The following PSMB7 variants were observed in gnomAD, a reference collection of about 807,000 sequenced individuals.
PSMB7 encodes the protein proteasome subunit beta type-7.
PSMB7 carries 5 observed loss-of-function variants against 28.1 expected under a neutral mutation model. That is an observed-to-expected ratio of 0.18 (90% CI 0.09 to 0.37). The LOEUF (loss-of-function observed/expected upper bound fraction) is 0.37, where lower values mean the gene tolerates loss of function less well. PSMB7 is among the 10% of genes least tolerant of loss of function. The probability of loss-of-function intolerance (pLI) is 1.00; values close to 1 mark genes in which losing one functional copy is unlikely to be tolerated. For missense variants in PSMB7, 275 were observed against 346.2 expected, an observed-to-expected ratio of 0.79 and a Z score of 1.63; for synonymous variants, 122 against 123.7, an observed-to-expected ratio of 0.99 and a Z score of 0.09.
At chr9:124,367,599 C>T (rs925554319) in intron 6 of PSMB7, among the ~76,000 whole-genome samples, 16 of 152,238 alleles carry the variant, frequency 1.1e-4, no homozygotes, top group African/African-American at 3.6e-4. Flanking sequence ...CAATGCTTGA[C>T]AGAGGCAAAG....
rs774764326 is a variant in PSMB7 at position 124,414,022 on chromosome 9, T to C, written c.157-17A>G. Reference sequence around the variant, plus strand: ...TATGCCATCCTATTAAAAAAAAAAGTTTTTAAACAATTTTACAAATATAAG... The same window carrying C: ...TATGCCATCCTATTAAAAAAAAAAGCTTTTAAACAATTTTACAAATATAAG... On this transcript the variant is annotated splice_polypyrimidine_tract_variant and intron_variant, in intron 2 of 7. Coordinates refer to ENST00000259457, the MANE Select transcript of PSMB7 (RefSeq NM_002799.4). 1 of 1,550,606 alleles carries C rather than the reference T, an allele frequency of 6.4e-7. No homozygotes were observed. The highest frequency in any genetic ancestry group is 1.1e-5 in the South Asian group (1 of 88,018).
chr9:124,387,192 G>A (rs894497919), intron 5 of PSMB7, among the ~76,000 whole-genome samples: 1 of 152,128 alleles, frequency 6.6e-6, no homozygotes, highest in South Asian at 2.1e-4. Context: ...TTTGCAGTGA[G>A]CCCAGATCGC....
At chr9:124,368,695 A>G (rs1051611042) in intron 6 of PSMB7, among the ~76,000 whole-genome samples, 18 of 152,234 alleles carry the variant, frequency 1.2e-4, no homozygotes, top group Non-Finnish European at 2.5e-4. Flanking sequence ...AAGAAATCAA[A>G]AGCAATTTAA....
At position 124,385,782 on chromosome 9, in the gene PSMB7, T is replaced by C. The variant is rs560576387; in HGVS notation, c.512-1126A>G. ...TTCAAATGAGGTGTCCTGCTGATTT[T>C]ATCAAGTCTGCTGAATGTATAATGA... On this transcript the variant is annotated intron_variant, in intron 5 of 7. Coordinates refer to ENST00000259457, the MANE Select transcript of PSMB7 (RefSeq NM_002799.4). 3.3e-5 allele frequency among the ~76,000 whole-genome samples: 5 copies of C among 152,328 alleles called. No homozygotes were observed. In the South Asian group the frequency reaches 6.2e-4, roughly 19 times the overall value.
At chr9:124,354,853 G>A (rs1830383197) in intron 7 of PSMB7, among the ~76,000 whole-genome samples, 1 of 152,202 alleles carries the variant, frequency 6.6e-6, no homozygotes, top group Admixed American at 6.5e-5. Flanking sequence ...AGTGTCTCCG[G>A]GAGGCTTGGA....
chr9:124,360,105 C>T (rs899962074), intron 6 of PSMB7, among the ~76,000 whole-genome samples: 2 of 152,192 alleles, frequency 1.3e-5, no homozygotes, highest in African/African-American at 2.4e-5. Flanking sequence ...ATTCTAGACA[C>T]GTATGCAAAT....
At chr9:124,367,015 AT>A (rs374361725) in intron 6 of PSMB7, among the ~76,000 whole-genome samples, 3 of 152,374 alleles carry the variant, frequency 2.0e-5, no homozygotes, top group African/African-American at 7.2e-5. Context: ...ACACATAACT[AT>A]AGTTCGACTT....
chr9:124,371,647 A>G (rs1830563788), intron 6 of PSMB7, among the ~76,000 whole-genome samples: 1 of 152,242 alleles, frequency 6.6e-6, no homozygotes, highest in African/African-American at 2.4e-5. Context: ...AAGGATTTTT[A>G]GTGCTTATTA....
Position 124,356,988 on chromosome 9 carries a change from C to G in PSMB7, c.571-73G>C. On this transcript the variant is annotated intron_variant, in intron 6 of 7. Coordinates refer to ENST00000259457, the MANE Select transcript of PSMB7 (RefSeq NM_002799.4). The surrounding 1 kb of genome is among the most constrained non-coding windows in gnomAD (Gnocchi z 4.4). ...TGCTCTGACATCCGCAATGTACGTC[C>G]ACTAGCAGTGCGCAAGACCTCCCGC... 2 of 1,562,100 alleles carry G rather than the reference C, an allele frequency of 1.3e-6. No homozygotes were observed. The highest frequency in any genetic ancestry group is 1.8e-6 in the Non-Finnish European group (2 of 1,141,136).
At chr9:124,390,529 A>C (rs1830773589) in intron 5 of PSMB7, among the ~76,000 whole-genome samples, 1 of 152,174 alleles carries the variant, frequency 6.6e-6, no homozygotes, top group South Asian at 2.1e-4. Flanking sequence ...GTAGAAGTAC[A>C]TTTTTTTGGC....
intron 6 of PSMB7, chr9:124,384,087 G>C (rs900328788): frequency 6.6e-6 from 1 of 152,610 alleles, no homozygotes; most frequent in Non-Finnish European, 1.5e-5. Context: ...ATGTATCTGA[G>C]ACACTAGATC....
rs1175414837 is a variant in PSMB7, at chr9:124,405,261, G to A, written c.511+56C>T. The A allele has an allele frequency of 4.0e-6, 5 of 1,238,918 alleles. No homozygotes were observed. The South Asian group carries it at 6.2e-5, about 15-fold the overall frequency. 76.7% of individuals were successfully genotyped at this position (1,238,918 alleles called of 1,614,324 possible). On this transcript the variant is annotated intron_variant, in intron 5 of 7. Coordinates refer to ENST00000259457, the MANE Select transcript of PSMB7 (RefSeq NM_002799.4). Reference sequence around the variant, plus strand: ...AAGAGAAAACAGACCAGCTCTTCAAGAGACCATCGTGGTAAGTAAGAGTAC... The same window carrying A: ...AAGAGAAAACAGACCAGCTCTTCAAAAGACCATCGTGGTAAGTAAGAGTAC...
intron 6 of PSMB7, among the ~76,000 whole-genome samples, chr9:124,374,664 AT>A (rs1169714186): frequency 6.6e-6 from 1 of 151,752 alleles, no homozygotes; most frequent in Non-Finnish European, 1.5e-5. Context: ...TTATCTAAAA[AT>A]TTTTTTTTAA....
At chr9:124,381,038 G>C (rs140539926) in intron 6 of PSMB7, among the ~76,000 whole-genome samples, 3 of 152,144 alleles carry the variant, frequency 2.0e-5, no homozygotes, top group Admixed American at 6.5e-5. Flanking sequence ...AATTTATTGA[G>C]GTGTTTTAAA....
rs148801814 is a variant in PSMB7 at position 124,397,659 on chromosome 9, G to A, written c.511+7658C>T. On this transcript the variant is annotated intron_variant, in intron 5 of 7. Coordinates refer to ENST00000259457, the MANE Select transcript of PSMB7 (RefSeq NM_002799.4). ...AAAAAAAGATTAATTACAAAGTTTT[G>A]CTTTTATTCTTCATAATAAAAAACT... 1.8e-4 allele frequency among the ~76,000 whole-genome samples: 28 copies of A among 152,228 alleles called. No individual in the cohort carries two copies. In the East Asian group the frequency reaches 5.4e-3, roughly 29 times the overall value.
intron 5 of PSMB7, among the ~76,000 whole-genome samples, chr9:124,386,999 A>C (rs529710306): frequency 6.6e-5 from 10 of 152,236 alleles, no homozygotes; most frequent in South Asian, 4.2e-4. Context: ...GTAATCCCAG[A>C]ACTTTGGGAG....
intron 6 of PSMB7, among the ~76,000 whole-genome samples, chr9:124,363,372 T>C (rs978105330): frequency 5.9e-5 from 9 of 151,640 alleles, no homozygotes; most frequent in African/African-American, 9.7e-5. Flanking sequence ...TTGAATACAA[T>C]TGAAAGAGCT....
intron 3 of PSMB7, 37 bp from the exon 4 acceptor site, chr9:124,412,529 T>C (rs1163542786): frequency 1.2e-6 from 2 of 1,610,104 alleles, no homozygotes; most frequent in Admixed American, 1.7e-5. Flanking sequence ...TGAAATCCAA[T>C]TACCAGAGGG....
At chr9:124,364,480 CAAAT>C (rs1830489339) in intron 6 of PSMB7, among the ~76,000 whole-genome samples, 1 of 127,448 alleles carries the variant, frequency 7.8e-6, no homozygotes, top group Non-Finnish European at 1.6e-5. Flanking sequence ...TATGTGTATA[CAAAT>C]ATATATTTCC....
Sources: allele counts gnomAD v4.1 joint callset (sites outside exome capture counted in the v4.1 genomes callset), GRCh38; gene constraint gnomAD v4.1.1; non-coding constraint Gnocchi (gnomAD v3.1); transcripts MANE v1.5; gene names NCBI Gene and HGNC (gene_info 2026-07-23, HGNC 2026-07-21).